NRG1: variants seen among roughly 807,000 people sequenced by gnomAD.
NRG1 encodes neuregulin 1.
In NRG1, 18 loss-of-function variants were observed where a neutral mutation model predicts 63.8. That is an observed-to-expected ratio of 0.28 (90% CI 0.19 to 0.42). The LOEUF (loss-of-function observed/expected upper bound fraction) is 0.42. Among genes scored for constraint, NRG1 ranks in the 10% least tolerant of loss-of-function variants. NRG1 has a pLI of 1.00. For synonymous variants in NRG1, 302 were observed against 301.3 expected (o/e 1.00, Z -0.02); for missense variants, 762 against 814.7 (o/e 0.94, Z 0.79).
chr8:32,420,139 A>G (rs1816504562), intron 1 of NRG1, among the ~76,000 whole-genome samples: 1 of 152,068 alleles, frequency 6.6e-6, no homozygotes, highest in Non-Finnish European at 1.5e-5. Flanking sequence ...ACAAAGTGCA[A>G]GCGTATGACA....
intron 1 of NRG1, among the ~76,000 whole-genome samples, chr8:31,870,730 T>G (rs1829404483): frequency 6.6e-6 from 1 of 152,084 alleles, no homozygotes; most frequent in Non-Finnish European, 1.5e-5. Flanking sequence ...GTTTTATTTT[T>G]TTGATTTATT....
At chr8:32,265,558 G>C (rs1297619897) in intron 1 of NRG1, among the ~76,000 whole-genome samples, 3 of 152,022 alleles carry the variant, frequency 2.0e-5, no homozygotes, top group Non-Finnish European at 2.9e-5. Flanking sequence ...ACTAATGTAG[G>C]CTGGGTGGGT....
intron 1 of NRG1, among the ~76,000 whole-genome samples, chr8:32,233,563 A>ATATATATATATATATATATAT (rs34593729): frequency 4.5e-5 from 3 of 67,252 alleles, no homozygotes; most frequent in African/African-American, 1.6e-4. Flanking sequence ...ATATATATAT[A>ATATATATATATATATATATAT]TTTTTTTTTT....
chr8:32,628,763 C>T (rs1157344859), intron 5 of NRG1, among the ~76,000 whole-genome samples: 5 of 146,864 alleles, frequency 3.4e-5, no homozygotes, highest in African/African-American at 5.1e-5. Context: ...TATGAAGTCT[C>T]GCTCTGTCAC....
intron 3 of NRG1, among the ~76,000 whole-genome samples, chr8:32,611,463 G>A (rs1386956571): frequency 6.6e-6 from 1 of 152,022 alleles, no homozygotes. Context: ...CAGTCTACAT[G>A]TATATTGTAT....
chr8:32,135,521 G>A (rs1835396204), intron 1 of NRG1, among the ~76,000 whole-genome samples: 1 of 152,032 alleles, frequency 6.6e-6, no homozygotes, highest in African/African-American at 2.4e-5. Flanking sequence ...AGGAAATACA[G>A]AATTAAAGGA....
intron 1 of NRG1, among the ~76,000 whole-genome samples, chr8:32,460,517 T>C (rs558827445): frequency 6.6e-6 from 1 of 152,162 alleles, no homozygotes; most frequent in Non-Finnish European, 1.5e-5. Context: ...TGCTTGAAAA[T>C]CACCTCTATT....
At chr8:32,592,460 A>G (rs549094052) in intron 1 of NRG1, among the ~76,000 whole-genome samples, 1 of 152,154 alleles carries the variant, frequency 6.6e-6, no homozygotes, top group Non-Finnish European at 1.5e-5. Context: ...TTCTTTTGTT[A>G]TTGATGACAT....
chr8:32,640,475 T>C lies in NRG1; in HGVS notation c.502+23590T>C, dbSNP rs913375024. Reference sequence around the variant, plus strand: ...ATATAGCAGTGGACGCAGACACAAGTGCATGGTCTTATGGAGCTGACATTC... The same window carrying C: ...ATATAGCAGTGGACGCAGACACAAGCGCATGGTCTTATGGAGCTGACATTC... On this transcript the variant is annotated intron_variant, in intron 5 of 11. Coordinates refer to ENST00000356819, the Ensembl canonical transcript of NRG1. 3.3e-5 allele frequency among the ~76,000 whole-genome samples: 5 copies of C among 152,084 alleles called. No homozygotes were observed. The East Asian group carries it at 9.6e-4, about 29-fold the overall frequency.
chr8:31,674,373 T>G (rs1807464236), intron 1 of NRG1, among the ~76,000 whole-genome samples: 1 of 152,198 alleles, frequency 6.6e-6, no homozygotes, highest in Non-Finnish European at 1.5e-5. Flanking sequence ...GGGTTTCACT[T>G]TCTCTACATC....
chr8:32,053,429 CT>C (rs1433041976), intron 1 of NRG1, among the ~76,000 whole-genome samples: 2 of 152,164 alleles, frequency 1.3e-5, no homozygotes, highest in African/African-American at 4.8e-5. Context: ...CCGGATTGAG[CT>C]TTATGCTCTG....
intron 1 of NRG1, among the ~76,000 whole-genome samples, chr8:32,168,721 C>T (rs1839664558): frequency 6.6e-6 from 1 of 152,148 alleles, no homozygotes; most frequent in South Asian, 2.1e-4. Context: ...AAGAGGAAAG[C>T]CGCTGGCTGA....
intron 1 of NRG1, among the ~76,000 whole-genome samples, chr8:31,651,725 G>A (rs1210582887): frequency 6.6e-6 from 1 of 152,168 alleles, no homozygotes; most frequent in African/African-American, 2.4e-5. Flanking sequence ...TGCATGAAGA[G>A]GTATTGGCAG....
intron 1 of NRG1, among the ~76,000 whole-genome samples, chr8:32,356,217 AG>A (rs1806367824): frequency 1.3e-5 from 2 of 152,220 alleles, no homozygotes; most frequent in Admixed American, 1.3e-4. Context: ...AAACATATGA[AG>A]AGAAATGTTA....
intron 1 of NRG1, among the ~76,000 whole-genome samples, chr8:31,851,432 G>T (rs957881801): frequency 6.6e-6 from 1 of 152,106 alleles, no homozygotes; most frequent in Non-Finnish European, 1.5e-5. Flanking sequence ...TATCTAAAAT[G>T]TAGAATCATA....
At position 32,742,165 on chromosome 8, in the gene NRG1, A is replaced by G. The variant is rs1383453881; in HGVS notation, c.633-510A>G. On this transcript the variant is annotated intron_variant, in intron 6 of 11. Transcript: ENST00000356819. The surrounding 1 kb of genome is among the most constrained non-coding windows in gnomAD (Gnocchi z 4.2). ...TGCTTTTACAGCTCAGTCGTAACTG[A>G]TTCATTTTGTTCTAATTATGGCTTA... The G allele has an allele frequency of 2.9e-6, 3 of 1,039,090 alleles. No homozygotes were observed. Among genetic ancestry groups the G allele is most frequent in the Non-Finnish European group, 3.0e-6 (2 of 668,934 alleles). 64.4% of individuals were successfully genotyped at this position (1,039,090 alleles called of 1,614,324 possible).
intron 1 of NRG1, among the ~76,000 whole-genome samples, chr8:32,042,446 T>TAA (rs113711705): frequency 5.3e-5 from 8 of 150,980 alleles, no homozygotes; most frequent in African/African-American, 1.9e-4. Flanking sequence ...ACCTAAAAAT[T>TAA]AAAAAAAACA....
intron 1 of NRG1, among the ~76,000 whole-genome samples, chr8:31,879,748 C>G (rs1400989936): frequency 6.6e-6 from 1 of 152,110 alleles, no homozygotes; most frequent in Non-Finnish European, 1.5e-5. Context: ...TCTGTTGTTT[C>G]CTTCTTTGTG....
At position 31,640,632 on chromosome 8, in the gene NRG1, C is replaced by T. The variant is rs762566189; in HGVS notation, c.37+1201C>T. ...TCATGGAGCCCGACGCCAACAGCAC[C>T]AGCCGCGCGCCGGCCGCCTTCCGAG... is the stretch of plus-strand genomic sequence containing the variant. On this transcript the variant is annotated intron_variant, in intron 1 of 10. Transcript: ENST00000519301. This position sits in a 1 kb window ranked among gnomAD's most constrained non-coding sequence, Gnocchi z 6.3. 15 of 1,609,992 alleles carry T rather than the reference C, an allele frequency of 9.3e-6. No individual in the cohort carries two copies. The highest frequency in any genetic ancestry group is 6.8e-6 in the Non-Finnish European group (8 of 1,178,990).
Sources: gnomAD v4.1 joint callset for allele counts (sites outside exome capture counted in the v4.1 genomes callset) on GRCh38, gnomAD v4.1.1 for gene constraint, Gnocchi (gnomAD v3.1) non-coding constraint, MANE v1.5 for transcripts, NCBI Gene and HGNC (gene_info 2026-07-23, HGNC 2026-07-21) for gene names.